Variants in ASH1L observed in about 807,000 individuals in gnomAD.
ASH1L encodes the protein histone-lysine N-methyltransferase ASH1L.
In ASH1L, 23 loss-of-function variants were observed where a neutral mutation model predicts 269.0. The observed-to-expected ratio is 0.09, with a 90% CI of 0.06 to 0.12. ASH1L has a LOEUF of 0.12. Among genes scored for constraint, ASH1L ranks in the 10% least tolerant of loss-of-function variants. The probability of loss-of-function intolerance (pLI) is 1.00; values close to 1 mark genes in which losing one functional copy is unlikely to be tolerated. For synonymous variants in ASH1L, 1,187 were observed against 1,253.5 expected, an observed-to-expected ratio of 0.95 and a Z score of 1.12; for missense variants, 2,912 against 3,567.8, an observed-to-expected ratio of 0.82 and a Z score of 4.68.
intron 4 of ASH1L, among the ~76,000 whole-genome samples, chr1:155,446,450 C>T (rs997975780): frequency 6.6e-6 from 1 of 151,356 alleles, no homozygotes; most frequent in Non-Finnish European, 1.5e-5. Context: ...AGGTGTGCGG[C>T]ACCACGCCCG....
intron 2 of ASH1L, among the ~76,000 whole-genome samples, chr1:155,494,698 G>C (rs1667035718): frequency 6.6e-6 from 1 of 152,142 alleles, no homozygotes; most frequent in Non-Finnish European, 1.5e-5. Flanking sequence ...ATGATCAGGA[G>C]TTTAGTTTGA....
intron 12 of ASH1L, among the ~76,000 whole-genome samples, chr1:155,362,440 AC>A (rs1162591474): frequency 6.6e-6 from 1 of 152,008 alleles, no homozygotes; most frequent in East Asian, 1.9e-4. Flanking sequence ...ATTATAGCTA[AC>A]ATTTACTGAA....
At chr1:155,532,604 C>T (rs987280065) in intron 1 of ASH1L, among the ~76,000 whole-genome samples, 2 of 151,884 alleles carry the variant, frequency 1.3e-5, no homozygotes, top group African/African-American at 4.8e-5. Flanking sequence ...GAGTGGATCA[C>T]CTGAGGTCAG....
At chr1:155,469,190 T>A (rs535376476) in intron 3 of ASH1L, among the ~76,000 whole-genome samples, 1 of 133,134 alleles carries the variant, frequency 7.5e-6, no homozygotes, top group African/African-American at 3.7e-5. Flanking sequence ...AATTAATTAA[T>A]TTTTTTTTTT....
chr1:155,415,618 T>C lies in ASH1L; in HGVS notation c.6008+126A>G, dbSNP rs554701953. 5 of 1,091,118 alleles carry C rather than the reference T, an allele frequency of 4.6e-6. No individual in the cohort carries two copies. The East Asian group carries it at 9.5e-5, about 21-fold the overall frequency. The allele number at this position is 1,091,118 out of a possible 1,614,324, so 67.6% of individuals were successfully genotyped here. A position where few individuals can be genotyped will look rare whatever the true frequency, so the allele number is the denominator to read the frequency against. On this transcript the variant is annotated intron_variant, in intron 6 of 27. Transcript: ENST00000392403. Reference sequence around the variant, plus strand: ...GTTTGAGGGAGGCGTACCTCATACATGAGTGCAAAAACACAATCATCACGC... The same window carrying C: ...GTTTGAGGGAGGCGTACCTCATACACGAGTGCAAAAACACAATCATCACGC...
At chr1:155,385,646 C>T (rs1657369075) in intron 7 of ASH1L, among the ~76,000 whole-genome samples, 1 of 152,104 alleles carries the variant, frequency 6.6e-6, no homozygotes, top group African/African-American at 2.4e-5. Flanking sequence ...AGCCACCATG[C>T]TTGGCAAATA....
At chr1:155,518,001 C>T (rs1668618521) in intron 2 of ASH1L, among the ~76,000 whole-genome samples, 1 of 151,610 alleles carries the variant, frequency 6.6e-6, no homozygotes, top group South Asian at 2.1e-4. Flanking sequence ...AGGGTTTCAC[C>T]GTTTTAGCCG....
At chr1:155,453,445 C>A (rs1663642591) in intron 4 of ASH1L, among the ~76,000 whole-genome samples, 1 of 152,208 alleles carries the variant, frequency 6.6e-6, no homozygotes, top group Non-Finnish European at 1.5e-5. Context: ...TGACCTAATT[C>A]TCATTCCATA....
intron 2 of ASH1L, among the ~76,000 whole-genome samples, chr1:155,490,731 A>C (rs1666718064): frequency 6.6e-6 from 1 of 151,832 alleles, no homozygotes; most frequent in South Asian, 2.1e-4. Flanking sequence ...CTGAGGCAGG[A>C]GGATTACTTG....
At chr1:155,436,326 G>T (rs537877879) in intron 5 of ASH1L, among the ~76,000 whole-genome samples, 1 of 151,584 alleles carries the variant, frequency 6.6e-6, no homozygotes, top group Non-Finnish European at 1.5e-5. Context: ...TGAGTAGCCG[G>T]GATTACAGGC....
At chr1:155,505,380 T>C (rs915076002) in intron 2 of ASH1L, among the ~76,000 whole-genome samples, 1 of 152,248 alleles carries the variant, frequency 6.6e-6, no homozygotes, top group Admixed American at 6.5e-5. Flanking sequence ...TCCGTATGTA[T>C]TTCTATCATG....
intron 6 of ASH1L, among the ~76,000 whole-genome samples, chr1:155,409,406 T>C (rs1571133181): frequency 6.6e-6 from 1 of 152,136 alleles, no homozygotes; most frequent in African/African-American, 2.4e-5. Flanking sequence ...AAAAGACTGA[T>C]AGAGAACAAG....
At chr1:155,468,920 T>C (rs1476392540) in intron 3 of ASH1L, among the ~76,000 whole-genome samples, 1 of 152,180 alleles carries the variant, frequency 6.6e-6, no homozygotes, top group Non-Finnish European at 1.5e-5. Flanking sequence ...AATAACAATG[T>C]CATTGTAAGG....
Position 155,477,992 on chromosome 1 carries a change from T to C in ASH1L, c.4878A>G (p.Lys1626=). The change falls in exon 3 of 28, where the codon AAA becomes AAG. Residue 1626 remains lysine (K), a synonymous_variant. Coordinates refer to ENST00000392403, the MANE Select transcript of ASH1L (RefSeq NM_018489.3). ...VSNPNSSGRK[K]LTDSPGLFSA... is the part of the protein sequence containing the mutation. ...AAAAGAGTCCAGGGCTGTCAGTTAA[T>C]TTCTTCCGGCCACTGGAGTTAGGGT... is the stretch of plus-strand genomic sequence containing the variant. 1.2e-6 allele frequency: 2 copies of C among 1,614,226 alleles called. No individual in the cohort carries two copies. The highest frequency in any genetic ancestry group is 1.7e-6 in the Non-Finnish European group (2 of 1,180,046).
chr1:155,521,179 G>A lies in ASH1L; in HGVS notation c.341C>T (p.Thr114Ile), dbSNP rs2148842973. The A allele has an allele frequency of 6.2e-7, 1 of 1,613,952 alleles. No homozygotes were observed. Among genetic ancestry groups the A allele is most frequent in the Non-Finnish European group, 8.5e-7 (1 of 1,179,994 alleles). The change falls in exon 2 of 28, where the codon ACA becomes ATA. Residue 114 changes from threonine to isoleucine, a missense_variant. Physicochemically the swap from Thr to Ile is moderately conservative, Grantham distance 89 (BLOSUM62 -1). Coordinates refer to ENST00000392403, the MANE Select transcript of ASH1L (RefSeq NM_018489.3). ...TGCTTTCCTTGGGTGCTTAATAGTT[G>A]TTTTTATGGCAGGTCGACATACATA... ...ENYVCRPAIK[T>I]TIKHPRKALK...
At chr1:155,407,310 A>T (rs1659380102) in intron 6 of ASH1L, among the ~76,000 whole-genome samples, 1 of 152,230 alleles carries the variant, frequency 6.6e-6, no homozygotes, top group Non-Finnish European at 1.5e-5. Context: ...TGGAAAAGTA[A>T]GACAGACTCA....
intron 4 of ASH1L, among the ~76,000 whole-genome samples, chr1:155,457,071 G>A (rs1188882705): frequency 2.0e-5 from 3 of 152,088 alleles, no homozygotes; most frequent in African/African-American, 4.8e-5. Context: ...TCTGTTAGCC[G>A]GGGTCCTAGA....
chr1:155,453,133 TC>T (rs1366812716), intron 4 of ASH1L, among the ~76,000 whole-genome samples: 1 of 152,078 alleles, frequency 6.6e-6, no homozygotes, highest in Non-Finnish European at 1.5e-5. Context: ...GGCAGGCAGA[TC>T]ATCTGTGGTT....
chr1:155,421,079 A>C (rs1168071275), intron 5 of ASH1L, among the ~76,000 whole-genome samples: 1 of 151,362 alleles, frequency 6.6e-6, no homozygotes, highest in Non-Finnish European at 1.5e-5. Context: ...TTTGCAAAAA[A>C]TTTTAAAAAA....
Sources: allele counts gnomAD v4.1 joint callset (sites outside exome capture counted in the v4.1 genomes callset), GRCh38; gene constraint gnomAD v4.1.1; transcripts MANE v1.5; gene names NCBI Gene and HGNC (gene_info 2026-07-23, HGNC 2026-07-21).